The following PAPPA variants were observed in gnomAD, a reference collection of about 807,000 sequenced individuals.
PAPPA encodes the protein pappalysin 1, also known as pappalysin-1.
Under a neutral mutation model 164.0 loss-of-function variants are expected in PAPPA, and 60 were observed. The ratio of observed to expected loss-of-function variants is 0.37; its 90% CI spans 0.30 to 0.45. PAPPA has a LOEUF of 0.45. Among genes scored for constraint, PAPPA ranks in the 20% least tolerant of loss-of-function variants. The pLI, the probability that PAPPA is intolerant of heterozygous loss-of-function variation, is 1.00. For missense variants in PAPPA, 1,782 were observed against 2,087.3 expected (o/e 0.85, Z 2.85); for synonymous variants, 875 against 814.1 (o/e 1.07, Z -1.27).
chr9:116,365,787 T>C (rs1846493568), intron 18 of PAPPA, among the ~76,000 whole-genome samples: 1 of 152,238 alleles, frequency 6.6e-6, no homozygotes, highest in Middle Eastern at 3.4e-3. Context: ...GTTATCCCCA[T>C]TTCTTGTCTC....
At chr9:116,239,571 T>A (rs1251302258) in intron 7 of PAPPA, among the ~76,000 whole-genome samples, 2 of 152,226 alleles carry the variant, frequency 1.3e-5, no homozygotes, top group Admixed American at 1.3e-4. Context: ...TACTGAAATG[T>A]GGACCACAAT....
At chr9:116,359,589 A>G (rs1846397528) in intron 17 of PAPPA, among the ~76,000 whole-genome samples, 3 of 152,236 alleles carry the variant, frequency 2.0e-5, no homozygotes, top group Admixed American at 2.0e-4. Flanking sequence ...CTCAGTCAGC[A>G]ATAATTGACT....
chr9:116,341,992 T>C (rs1304838773), intron 13 of PAPPA, among the ~76,000 whole-genome samples: 1 of 152,222 alleles, frequency 6.6e-6, no homozygotes, highest in Non-Finnish European at 1.5e-5. Flanking sequence ...TTCATTTTCC[T>C]GTGAAGAAGA....
chr9:116,341,766 C>T (rs982188670), intron 13 of PAPPA, among the ~76,000 whole-genome samples: 11 of 152,288 alleles, frequency 7.2e-5, no homozygotes, highest in Non-Finnish European at 4.4e-5. Flanking sequence ...GTTGAATAGA[C>T]GAATCAGTGG....
chr9:116,207,438 G>C lies in PAPPA; in HGVS notation c.1479-18G>C, dbSNP rs376300081. Reference sequence around the variant, plus strand: ...TTTTGGGGGCATGATAACAGCCAAGGTTCTTTTTCTGTTTCAGAGCCTACT... The same window carrying C: ...TTTTGGGGGCATGATAACAGCCAAGCTTCTTTTTCTGTTTCAGAGCCTACT... On this transcript the variant is annotated intron_variant, in intron 2 of 21. Coordinates refer to ENST00000328252, the MANE Select transcript of PAPPA (RefSeq NM_002581.5). 5.6e-6 allele frequency: 9 copies of C among 1,597,742 alleles called. No individual in the cohort carries two copies. The Admixed American group carries it at 1.0e-4, about 18-fold the overall frequency.
At position 116,402,161 on chromosome 9, in the gene PAPPA, C is replaced by T. The variant is rs1207605281; in HGVS notation, c.*5545C>T. On this transcript the variant is annotated 3_prime_UTR_variant, in exon 22 of 22. Transcript: ENST00000328252. ...ATTTTGCTGTTCATGATATTTTTAT[C>T]CTGTTCTCATGGATTTGTTTTCCCA... 1.3e-5 allele frequency: 2 copies of T among 152,266 alleles called. No homozygotes were observed. The highest frequency in any genetic ancestry group is 2.9e-5 in the Non-Finnish European group (2 of 67,956). The allele number at this position is 152,266 out of a possible 1,614,324, so 9.4% of individuals were successfully genotyped here. A position where few individuals can be genotyped will look rare whatever the true frequency, so the allele number is the denominator to read the frequency against.
chr9:116,158,595 C>T (rs1399068477), intron 1 of PAPPA, among the ~76,000 whole-genome samples: 3 of 152,192 alleles, frequency 2.0e-5, no homozygotes, highest in Admixed American at 1.3e-4. Flanking sequence ...ATGGAAGGTA[C>T]TTAAAACTGG....
intron 6 of PAPPA, among the ~76,000 whole-genome samples, chr9:116,232,881 T>C (rs1255649537): frequency 6.6e-6 from 1 of 152,232 alleles, no homozygotes; most frequent in Non-Finnish European, 1.5e-5. Context: ...TTGGTCCCTC[T>C]GTTGATTAAC....
chr9:116,211,268 A>T (rs1004764292), intron 3 of PAPPA, among the ~76,000 whole-genome samples: 1 of 152,206 alleles, frequency 6.6e-6, no homozygotes, highest in African/African-American at 2.4e-5. Flanking sequence ...TGGAAATAAG[A>T]GTAGGCCTTA....
chr9:116,219,158 T>C (rs911506470), intron 4 of PAPPA, among the ~76,000 whole-genome samples: 5 of 152,192 alleles, frequency 3.3e-5, no homozygotes, highest in South Asian at 4.1e-4. Flanking sequence ...TATCTCCTTC[T>C]TTAGAAGCCT....
intron 9 of PAPPA, among the ~76,000 whole-genome samples, chr9:116,300,799 A>C (rs1315690585): frequency 6.6e-6 from 1 of 152,086 alleles, no homozygotes; most frequent in Non-Finnish European, 1.5e-5. Flanking sequence ...CTGATTTCAC[A>C]AGCTGATTTA....
intron 21 of PAPPA, among the ~76,000 whole-genome samples, chr9:116,382,868 A>G (rs1846751107): frequency 1.3e-5 from 2 of 152,146 alleles, no homozygotes; most frequent in African/African-American, 4.8e-5. Context: ...AGGGGTGAGG[A>G]GGTGGTCAAA....
At chr9:116,334,793 G>A (rs1272711428) in intron 12 of PAPPA, 68 bp from the exon 13 acceptor site, 12 of 1,220,316 alleles carry the variant, frequency 9.8e-6, no homozygotes, top group Admixed American at 7.2e-5. Flanking sequence ...GGAAGGGCCC[G>A]TTGGGGAGGG....
chr9:116,377,519 G>A (rs2118684389), intron 19 of PAPPA, 57 bp from the exon 20 acceptor site: 3 of 1,221,798 alleles, frequency 2.5e-6, no homozygotes, highest in Non-Finnish European at 2.4e-6. Flanking sequence ...TGCCAACACG[G>A]AGGTGGGTCC....
intron 9 of PAPPA, among the ~76,000 whole-genome samples, chr9:116,293,809 C>A (rs192136235): frequency 2.0e-5 from 3 of 151,992 alleles, no homozygotes; most frequent in Non-Finnish European, 4.4e-5. Flanking sequence ...ACAAAAAATT[C>A]GCCGGCTTGG....
At chr9:116,343,157 C>T (rs937540482) in intron 13 of PAPPA, among the ~76,000 whole-genome samples, 8 of 152,156 alleles carry the variant, frequency 5.3e-5, no homozygotes, top group Non-Finnish European at 7.3e-5. Flanking sequence ...ACGCTTAGCT[C>T]ATAGGGTTGT....
chr9:116,320,590 C>G (rs1271090377), intron 10 of PAPPA, among the ~76,000 whole-genome samples: 1 of 152,174 alleles, frequency 6.6e-6, no homozygotes, highest in South Asian at 2.1e-4. Flanking sequence ...TCCCTTTCCC[C>G]TCTATCTCTT....
intron 10 of PAPPA, among the ~76,000 whole-genome samples, chr9:116,320,179 C>T (rs1845836486): frequency 6.6e-6 from 1 of 152,218 alleles, no homozygotes; most frequent in Non-Finnish European, 1.5e-5. Flanking sequence ...CCATTGAAAG[C>T]CTGGCTTTTC....
chr9:116,238,025 T>C (rs1844691598), intron 7 of PAPPA, among the ~76,000 whole-genome samples: 1 of 152,150 alleles, frequency 6.6e-6, no homozygotes, highest in South Asian at 2.1e-4. Context: ...GGCTAGTTCT[T>C]CTCAATTTGG....
Sources: allele counts gnomAD v4.1 joint callset (sites outside exome capture counted in the v4.1 genomes callset), GRCh38; gene constraint gnomAD v4.1.1; transcripts MANE v1.5; gene names NCBI Gene and HGNC (gene_info 2026-07-23, HGNC 2026-07-21).